Variants in MALRD1 observed in about 807,000 individuals in gnomAD.
MALRD1 encodes MAM and LDL receptor class A domain containing 1.
Under a neutral mutation model 242.1 loss-of-function variants are expected in MALRD1, and 247 were observed. That is an observed-to-expected ratio of 1.02 (90% confidence interval 0.92 to 1.13). The LOEUF is 1.13. Among genes scored for constraint, MALRD1 ranks in the 50% most tolerant of loss-of-function variants. The probability of loss-of-function intolerance (pLI) is 0.00; values close to 1 mark genes in which losing one functional copy is unlikely to be tolerated. For synonymous variants in MALRD1, 995 were observed against 866.6 expected, an observed-to-expected ratio of 1.15 and a Z score of -2.60; for missense variants, 2,989 against 2,533.1, an observed-to-expected ratio of 1.18 and a Z score of -3.86.
intron 36 of MALRD1, among the ~76,000 whole-genome samples, chr10:19,690,797 A>G (rs1239460488): frequency 1.3e-5 from 2 of 152,126 alleles, no homozygotes; most frequent in Non-Finnish European, 2.9e-5. Flanking sequence ...TAGAAGATAG[A>G]ATGAAAGAAT....
At chr10:19,455,523 A>G (rs1295044457) in intron 29 of MALRD1, among the ~76,000 whole-genome samples, 2 of 152,156 alleles carry the variant, frequency 1.3e-5, no homozygotes, top group African/African-American at 4.8e-5. Flanking sequence ...TATGTTTTTC[A>G]TCTATAAAAT....
At chr10:19,663,305 C>G (rs566701790) in intron 36 of MALRD1, among the ~76,000 whole-genome samples, 2 of 152,248 alleles carry the variant, frequency 1.3e-5, no homozygotes, top group South Asian at 4.1e-4. Flanking sequence ...AGTCATTTCA[C>G]TTAGTATAAT....
intron 36 of MALRD1, among the ~76,000 whole-genome samples, chr10:19,670,814 T>A (rs1421230431): frequency 6.6e-6 from 1 of 152,116 alleles, no homozygotes; most frequent in Non-Finnish European, 1.5e-5. Context: ...TCTTAATACA[T>A]AGCACCTAGC....
In MALRD1 at chr10:19,140,541, GTA is replaced by G. The variant is rs1190832955; in HGVS notation, c.1411+3762_1411+3763del. On this transcript the variant is annotated intron_variant, in intron 10 of 39. Coordinates refer to ENST00000454679, the MANE Select transcript of MALRD1 (RefSeq NM_001142308.3). The stretch of plus-strand genomic sequence containing the variant: ...AAACAAGTGGGGTGTGTGTGTGTGT[GTA>G]TGTGTGTGTGTGTGTGTGTGTGTGT... 8.5e-3 allele frequency among the ~76,000 whole-genome samples: 944 copies of G among 110,698 alleles called. 10 individuals carry two copies. Among genetic ancestry groups the G allele is most frequent in the Admixed American group, 8.6e-3 (84 of 9,752 alleles). The allele number at this position is 110,698 out of a possible 152,430, so 72.6% of individuals were successfully genotyped here. A position where few individuals can be genotyped will look rare whatever the true frequency, so the allele number is the denominator to read the frequency against.
At chr10:19,532,578 A>G (rs1834468298) in intron 32 of MALRD1, among the ~76,000 whole-genome samples, 1 of 152,058 alleles carries the variant, frequency 6.6e-6, no homozygotes, top group Non-Finnish European at 1.5e-5. Flanking sequence ...TATCTATTAC[A>G]CAGTTTTGTT....
chr10:19,078,997 T>A (rs1349217125), intron 2 of MALRD1, among the ~76,000 whole-genome samples: 1 of 151,454 alleles, frequency 6.6e-6, no homozygotes, highest in African/African-American at 2.4e-5. Flanking sequence ...TTTTTGTATT[T>A]TCTATTTTAT....
At chr10:19,279,505 A>G (rs1234922932) in intron 19 of MALRD1, among the ~76,000 whole-genome samples, 1 of 152,224 alleles carries the variant, frequency 6.6e-6, no homozygotes, top group Non-Finnish European at 1.5e-5. Context: ...CAACATCTAT[A>G]AATGTCTTCC....
Position 19,730,716 on chromosome 10 carries a change from G to A in MALRD1, c.6325G>A (p.Gly2109Arg), listed in dbSNP as rs1199995169. Residue 2109 changes from glycine (G) to arginine (R), a missense_variant, in exon 39 of 40, where the codon GGA (glycine) becomes AGA (arginine). Gly to Arg is a moderately radical substitution (Grantham distance 125, BLOSUM62 -2). Transcript: ENST00000454679. ...CCTGTGTGCTTTAAGGAAAACCGAG[G>A]GAAGTGGTAACTGTGCCTTTGTCAA... ...NRKVPIRKTE[G>R]SGNCAFVNPV... 1.8e-5 allele frequency: 28 copies of A among 1,536,608 alleles called. No homozygotes were observed. The highest frequency in any genetic ancestry group is 2.4e-5 in the Non-Finnish European group (27 of 1,147,042).
chr10:19,084,886 CTA>C (rs1835614963), intron 2 of MALRD1, among the ~76,000 whole-genome samples: 1 of 151,964 alleles, frequency 6.6e-6, no homozygotes, highest in African/African-American at 2.4e-5. Flanking sequence ...TAATAATTAA[CTA>C]TTTGTCACAA....
Position 19,438,683 on chromosome 10 carries a change from C to G in MALRD1, c.4846-11624C>G, listed in dbSNP as rs1317222088. Among the ~76,000 whole-genome samples, 3 of 152,102 alleles carry G rather than the reference C, an allele frequency of 2.0e-5. No homozygotes were observed. The East Asian group carries it at 5.8e-4, about 29-fold the overall frequency. ...CACTTGTTATTTTGTTTTATAGTAG[C>G]CATGTCAGTGTGTGTGAAATAGACT... On this transcript the variant is annotated intron_variant, in intron 28 of 39. Coordinates refer to ENST00000454679, the MANE Select transcript of MALRD1 (RefSeq NM_001142308.3).
intron 8 of MALRD1, among the ~76,000 whole-genome samples, chr10:19,129,252 G>T (rs1311897009): frequency 6.6e-6 from 1 of 152,062 alleles, no homozygotes; most frequent in African/African-American, 2.4e-5. Context: ...GAGTTCCCAT[G>T]ACCCCCTTCT....
intron 36 of MALRD1, among the ~76,000 whole-genome samples, chr10:19,687,497 G>C (rs1842625852): frequency 6.6e-6 from 1 of 152,084 alleles, no homozygotes. Flanking sequence ...TTCTCTGGTT[G>C]GTGTCAGCCT....
chr10:19,495,447 TA>T (rs937207916), intron 30 of MALRD1, among the ~76,000 whole-genome samples: 425 of 124,608 alleles, frequency 3.4e-3, no homozygotes, highest in Admixed American at 3.7e-3. Flanking sequence ...TTCAACATTC[TA>T]AAAAAAAAAA....
chr10:19,523,065 A>G (rs1833950689), intron 31 of MALRD1, among the ~76,000 whole-genome samples: 1 of 152,166 alleles, frequency 6.6e-6, no homozygotes, highest in Non-Finnish European at 1.5e-5. Flanking sequence ...TGTTCTAAGT[A>G]CTTTACATGT....
chr10:19,451,294 A>C lies in MALRD1; in HGVS notation c.5029+804A>C, dbSNP rs137901043. On this transcript the variant is annotated intron_variant, in intron 29 of 39. Transcript: ENST00000454679. ...TCAGGCAAAATTGAAGCAGAAATTG[A>C]GCTGAGAGCTGTGCTTGGGAGATTT... is the stretch of plus-strand genomic sequence containing the variant. 1.7e-3 allele frequency among the ~76,000 whole-genome samples: 257 copies of C among 152,264 alleles called. 1 individual carries two copies. Among genetic ancestry groups the C allele is most frequent in the African/African-American group, 5.8e-3 (243 of 41,550 alleles).
chr10:19,269,464 T>C (rs913379671), intron 19 of MALRD1, among the ~76,000 whole-genome samples: 2 of 152,246 alleles, frequency 1.3e-5, no homozygotes, highest in African/African-American at 4.8e-5. Flanking sequence ...GTTAAATGAG[T>C]TGACCTCATG....
Position 19,125,316 on chromosome 10 carries a change from TC to T in MALRD1, c.943+648del, listed in dbSNP as rs755464216. ...TTCCTTCCTTCCTTCCTTCCTTCCT[TC>T]CTTCCTTCTTTCTTTCTTTCTTTCT... is the stretch of plus-strand genomic sequence containing the variant. On this transcript the variant is annotated intron_variant, in intron 7 of 39. Coordinates refer to ENST00000454679, the MANE Select transcript of MALRD1 (RefSeq NM_001142308.3). Among the ~76,000 whole-genome samples, 615 of 75,278 alleles carry T rather than the reference TC, an allele frequency of 8.2e-3. 5 individuals are homozygous for T. Among genetic ancestry groups the T allele is most frequent in the Non-Finnish European group, 9.9e-3 (367 of 37,056 alleles). 49.4% of individuals were successfully genotyped at this position (75,278 alleles called of 152,430 possible). A position where few individuals can be genotyped will look rare whatever the true frequency, so the allele number is the denominator to read the frequency against.
At chr10:19,098,144 T>G (rs1446448899) in intron 4 of MALRD1, among the ~76,000 whole-genome samples, 2 of 152,196 alleles carry the variant, frequency 1.3e-5, no homozygotes, top group Admixed American at 6.5e-5. Flanking sequence ...TTTTTGTTGT[T>G]GTTCTTGAAG....
chr10:19,101,037 C>T (rs1836231039), intron 4 of MALRD1, among the ~76,000 whole-genome samples: 1 of 151,934 alleles, frequency 6.6e-6, no homozygotes. Context: ...GTTACAATAG[C>T]AGTAGTGAAC....
Sources: gnomAD v4.1 joint callset for allele counts (sites outside exome capture counted in the v4.1 genomes callset) on GRCh38, gnomAD v4.1.1 for gene constraint, MANE v1.5 for transcripts, NCBI Gene and HGNC (gene_info 2026-07-23, HGNC 2026-07-21) for gene names.